The following CENPP variants were observed in gnomAD, a reference collection of about 807,000 sequenced individuals.
CENPP encodes the protein centromere protein P.
In CENPP, 24 loss-of-function variants were observed where a neutral mutation model predicts 35.6. That is an observed-to-expected ratio of 0.67 (90% CI 0.49 to 0.95). The LOEUF (loss-of-function observed/expected upper bound fraction) is 0.95, where lower values mean the gene tolerates loss of function less well. Ranked by LOEUF, CENPP falls within the 40% of genes least tolerant of loss-of-function variation. The pLI, the probability that CENPP is intolerant of heterozygous loss-of-function variation, is 0.00. For missense variants in CENPP, 332 were observed against 345.3 expected, an observed-to-expected ratio of 0.96 and a Z score of 0.31; for synonymous variants, 120 against 125.5, an observed-to-expected ratio of 0.96 and a Z score of 0.29.
rs367913971 is a variant in CENPP at position 92,613,004 on chromosome 9, A to T, written c.737-15A>T. On this transcript the variant is annotated splice_polypyrimidine_tract_variant and intron_variant, in intron 7 of 7. Transcript: ENST00000375587. Reference sequence around the variant, plus strand: ...ACCTTGAAGTTTCTTACCCGGTTTAATGTTTTCTTTATAGCCCTGGAGCTG... The same window carrying T: ...ACCTTGAAGTTTCTTACCCGGTTTATTGTTTTCTTTATAGCCCTGGAGCTG... 1.9e-6 allele frequency: 3 copies of T among 1,613,672 alleles called. No homozygotes were observed. The highest frequency in any genetic ancestry group is 2.5e-6 in the Non-Finnish European group (3 of 1,179,944).
chr9:92,338,612 ATTTTT>A (rs202018230), intron 3 of CENPP, among the ~76,000 whole-genome samples: 1 of 149,662 alleles, frequency 6.7e-6, no homozygotes, highest in Non-Finnish European at 1.5e-5. Flanking sequence ...GCATCTGTAG[ATTTTT>A]TTTTTTCAAA....
intron 5 of CENPP, among the ~76,000 whole-genome samples, chr9:92,475,520 T>A (rs1037243935): frequency 6.6e-6 from 1 of 152,238 alleles, no homozygotes; most frequent in African/African-American, 2.4e-5. Flanking sequence ...ATTACCTTTA[T>A]AATGAAAAAG....
chr9:92,461,617 G>T (rs1172830218), intron 5 of CENPP, among the ~76,000 whole-genome samples: 1 of 152,164 alleles, frequency 6.6e-6, no homozygotes, highest in Non-Finnish European at 1.5e-5. Flanking sequence ...GATGCAGAGA[G>T]ACATTCAGAT....
chr9:92,597,538 T>C (rs187660551), intron 5 of CENPP, among the ~76,000 whole-genome samples: 1 of 152,334 alleles, frequency 6.6e-6, no homozygotes. Flanking sequence ...ATCTGGAATA[T>C]TACTTTCATT....
intron 5 of CENPP, among the ~76,000 whole-genome samples, chr9:92,390,400 G>T (rs1842621861): frequency 6.6e-6 from 1 of 152,194 alleles, no homozygotes; most frequent in African/African-American, 2.4e-5. Flanking sequence ...CATTACATTT[G>T]ATTGGAATCA....
At chr9:92,377,349 C>T (rs73651313) in intron 4 of CENPP, among the ~76,000 whole-genome samples, 3 of 152,140 alleles carry the variant, frequency 2.0e-5, no homozygotes, top group African/African-American at 7.2e-5. Context: ...TGAATCAAAA[C>T]GATTCCTTGG....
chr9:92,344,607 G>T (rs1445331350), intron 3 of CENPP, among the ~76,000 whole-genome samples: 1 of 151,880 alleles, frequency 6.6e-6, no homozygotes, highest in African/African-American at 2.4e-5. Context: ...TAGTGCAGTG[G>T]CACGATCTTG....
chr9:92,379,623 A>G (rs1472964241), intron 4 of CENPP, 140 bp from the exon 5 acceptor site: 2 of 589,814 alleles, frequency 3.4e-6, no homozygotes, highest in Admixed American at 5.8e-5. Context: ...ACACACACAC[A>G]CAAGTGCAAG....
chr9:92,533,312 A>C (rs1483169153), intron 5 of CENPP, among the ~76,000 whole-genome samples: 6 of 88,678 alleles, frequency 6.8e-5, no homozygotes, highest in African/African-American at 1.4e-4. Context: ...ACAAAAAAAA[A>C]AAAAAAAAAA....
intron 5 of CENPP, among the ~76,000 whole-genome samples, chr9:92,451,134 C>A (rs1364796405): frequency 1.3e-5 from 2 of 148,722 alleles, no homozygotes; most frequent in African/African-American, 2.5e-5. Flanking sequence ...TCTTTTGTTG[C>A]CATTGCTTTT....
intron 4 of CENPP, among the ~76,000 whole-genome samples, chr9:92,362,695 A>G (rs549985095): frequency 2.6e-5 from 4 of 152,320 alleles, no homozygotes; most frequent in South Asian, 2.1e-4. Context: ...TCCTCAATTT[A>G]GCATCTATGA....
chr9:92,465,836 CTTT>C (rs771611786), intron 5 of CENPP, among the ~76,000 whole-genome samples: 1 of 141,308 alleles, frequency 7.1e-6, no homozygotes, highest in African/African-American at 2.6e-5. Flanking sequence ...AAAGGAGGTT[CTTT>C]TTTTTTTTTT....
chr9:92,617,906 A>C lies in CENPP; in HGVS notation c.*4757A>C. The C allele has an allele frequency of 3.8e-6, 1 of 261,496 alleles. No homozygotes were observed. The allele number at this position is 261,496 out of a possible 1,614,324, so 16.2% of individuals were successfully genotyped here. On this transcript the variant is annotated 3_prime_UTR_variant, in exon 8 of 8. Coordinates refer to ENST00000375587, the MANE Select transcript of CENPP (RefSeq NM_001012267.3). Reference sequence around the variant, plus strand: ...TATGACAGGGCAGAAACAGTAGTGCAGAGCTGGAGAAGCCTTTATTTTAGG... The same window carrying C: ...TATGACAGGGCAGAAACAGTAGTGCCGAGCTGGAGAAGCCTTTATTTTAGG...
At chr9:92,480,084 T>C (rs1423572122) in intron 5 of CENPP, among the ~76,000 whole-genome samples, 3 of 152,230 alleles carry the variant, frequency 2.0e-5, no homozygotes, top group African/African-American at 7.2e-5. Context: ...TTTGGCAGTA[T>C]TCAGGTTACT....
intron 5 of CENPP, among the ~76,000 whole-genome samples, chr9:92,553,900 C>A (rs1451152649): frequency 6.6e-6 from 1 of 152,018 alleles, no homozygotes; most frequent in Non-Finnish European, 1.5e-5. Context: ...ATTTGGATGC[C>A]CTTTATTTCT....
intron 5 of CENPP, among the ~76,000 whole-genome samples, chr9:92,562,729 A>G (rs1010350437): frequency 6.6e-6 from 1 of 152,114 alleles, no homozygotes; most frequent in Admixed American, 6.5e-5. Flanking sequence ...ATTTGCTGGG[A>G]ATGGGGATTC....
chr9:92,537,871 A>C (rs1310589728), intron 5 of CENPP, among the ~76,000 whole-genome samples: 1 of 152,238 alleles, frequency 6.6e-6, no homozygotes, highest in Non-Finnish European at 1.5e-5. Context: ...TGGGGGTAGA[A>C]AAATTACCCA....
intron 5 of CENPP, chr9:92,464,729 T>C: frequency 1.4e-6 from 1 of 691,018 alleles, no homozygotes; most frequent in Non-Finnish European, 2.6e-6. Context: ...AAAAAAATTG[T>C]GGCTTAATTC....
intron 5 of CENPP, among the ~76,000 whole-genome samples, chr9:92,387,741 A>C (rs1336595149): frequency 6.6e-6 from 1 of 152,056 alleles, no homozygotes; most frequent in East Asian, 1.9e-4. Context: ...AAACAAAACT[A>C]TAGGGCAGCT....
Sources: allele counts gnomAD v4.1 joint callset (sites outside exome capture counted in the v4.1 genomes callset), GRCh38; gene constraint gnomAD v4.1.1; transcripts MANE v1.5; gene names NCBI Gene and HGNC (gene_info 2026-07-23, HGNC 2026-07-21).